Variants in PRKD1 observed in about 807,000 individuals in gnomAD.
The protein encoded by PRKD1 is serine/threonine-protein kinase D1.
A neutral mutation model predicts 95.9 loss-of-function variants in PRKD1; 63 were observed. That is an observed-to-expected ratio of 0.66 (90% CI 0.54 to 0.81). The LOEUF is 0.81. PRKD1 is among the 30% of genes least tolerant of loss of function. The pLI is 0.00. For synonymous variants in PRKD1, 425 were observed against 423.1 expected, an observed-to-expected ratio of 1.00 and a Z score of -0.05; for missense variants, 1,048 against 1,165.3, an observed-to-expected ratio of 0.90 and a Z score of 1.47.
At chr14:29,906,850 G>A (rs1566665209) in intron 1 of PRKD1, among the ~76,000 whole-genome samples, 2 of 152,178 alleles carry the variant, frequency 1.3e-5, no homozygotes, top group African/African-American at 4.8e-5. Context: ...GATTGGGTGA[G>A]TCTGTTATTT....
Position 29,626,471 on chromosome 14 carries a change from T to G in PRKD1, c.1798+13A>C, listed in dbSNP as rs772460085. 88 of 1,595,362 alleles carry G rather than the reference T, an allele frequency of 5.5e-5. No individual in the cohort carries two copies. The highest frequency in any genetic ancestry group is 1.7e-4 in the Middle Eastern group (1 of 6,022). ...ATTTTAAGTTCATAAAAATACTCAG[T>G]GAGATAACCTACCTCCATAAACAAT... On this transcript the variant is annotated intron_variant, in intron 12 of 17. Transcript: ENST00000331968.
chr14:29,882,429 T>C (rs2139397562), intron 1 of PRKD1, among the ~76,000 whole-genome samples: 1 of 152,338 alleles, frequency 6.6e-6, no homozygotes, highest in African/African-American at 2.4e-5. Flanking sequence ...GAAACAATTA[T>C]GGCTAAAAAT....
chr14:29,643,216 T>C (rs1173806800), intron 4 of PRKD1, among the ~76,000 whole-genome samples: 2 of 152,160 alleles, frequency 1.3e-5, no homozygotes, highest in Non-Finnish European at 2.9e-5. Flanking sequence ...ATATAAATGA[T>C]TTGATTTGGC....
chr14:29,675,647 A>G (rs1228779190), intron 2 of PRKD1, among the ~76,000 whole-genome samples: 9 of 152,218 alleles, frequency 5.9e-5, no homozygotes, highest in Non-Finnish European at 1.0e-4. Context: ...CCAAAGGATT[A>G]TAAATCATGC....
intron 1 of PRKD1, among the ~76,000 whole-genome samples, chr14:29,904,419 C>G (rs1894425390): frequency 6.6e-6 from 1 of 152,094 alleles, no homozygotes; most frequent in Non-Finnish European, 1.5e-5. Context: ...CTTTCTGTGC[C>G]CCAATTTCCT....
rs769494172 is a variant in PRKD1, at chr14:29,725,528, T to C, written c.403+8A>G. ...TACGGATAAAGAAAAGGTATAAAAG[T>C]ATACTACCTGACAAGACCACTTCAA... On this transcript the variant is annotated splice_region_variant and intron_variant, in intron 2 of 17. Transcript: ENST00000331968. 3.1e-6 allele frequency: 5 copies of C among 1,612,208 alleles called. No individual in the cohort carries two copies. In the East Asian group the frequency reaches 8.9e-5, roughly 29 times the overall value.
intron 4 of PRKD1, among the ~76,000 whole-genome samples, chr14:29,644,983 G>C (rs1881034919): frequency 6.6e-6 from 1 of 152,010 alleles, no homozygotes; most frequent in African/African-American, 2.4e-5. Flanking sequence ...AAGAAACTGA[G>C]TTACTGAGAG....
chr14:29,654,990 C>A (rs1881753933), intron 4 of PRKD1, among the ~76,000 whole-genome samples: 1 of 152,202 alleles, frequency 6.6e-6, no homozygotes, highest in Non-Finnish European at 1.5e-5. Context: ...CCATCAGGAG[C>A]TAGCCTGTGA....
chr14:29,624,088 C>A (rs1879456350), intron 13 of PRKD1, 64 bp downstream of exon 13: 1 of 1,183,444 alleles, frequency 8.4e-7, no homozygotes, highest in South Asian at 1.5e-5. Context: ...AATTTATTTG[C>A]TTTGCAGAAG....
intron 1 of PRKD1, among the ~76,000 whole-genome samples, chr14:29,819,558 C>T (rs1204859430): frequency 3.3e-5 from 5 of 152,004 alleles, no homozygotes; most frequent in African/African-American, 4.8e-5. Context: ...GGCGTGGTGG[C>T]GGGCGCCTGT....
chr14:29,779,227 C>T (rs1771289963), intron 1 of PRKD1, among the ~76,000 whole-genome samples: 1 of 152,174 alleles, frequency 6.6e-6, no homozygotes. Context: ...AAAACTGGCA[C>T]AAGACAGGGA....
At chr14:29,829,479 T>C (rs1176049959) in intron 1 of PRKD1, among the ~76,000 whole-genome samples, 2 of 152,214 alleles carry the variant, frequency 1.3e-5, no homozygotes, top group African/African-American at 2.4e-5. Flanking sequence ...TCGTTTTTAC[T>C]CTTTTTAATC....
At chr14:29,724,683 C>G (rs10498309) in intron 2 of PRKD1, among the ~76,000 whole-genome samples, 27,289 of 152,054 alleles carry the variant, frequency 0.18, 2,705 homozygotes, top group South Asian at 0.26. Flanking sequence ...AGGAAATAAA[C>G]TTGAGACTCT....
intron 1 of PRKD1, among the ~76,000 whole-genome samples, chr14:29,906,529 A>C (rs547509609): frequency 1.8e-3 from 266 of 144,794 alleles, no homozygotes; most frequent in African/African-American, 6.9e-3. Context: ...GTATCAATTT[A>C]ACCAAAAAAA....
chr14:29,841,888 A>G (rs8021816), intron 1 of PRKD1, among the ~76,000 whole-genome samples: 1 of 151,518 alleles, frequency 6.6e-6, no homozygotes, highest in African/African-American at 2.4e-5. Flanking sequence ...GCTGTACCCC[A>G]AAAAAAATTT....
intron 4 of PRKD1, among the ~76,000 whole-genome samples, chr14:29,651,051 T>C (rs990317394): frequency 1.3e-5 from 2 of 152,226 alleles, no homozygotes; most frequent in Admixed American, 6.5e-5. Context: ...TAGCCCATAA[T>C]ACTCAATGTC....
chr14:29,894,912 T>C (rs1894067688), intron 1 of PRKD1, among the ~76,000 whole-genome samples: 1 of 152,252 alleles, frequency 6.6e-6, no homozygotes, highest in African/African-American at 2.4e-5. Flanking sequence ...AGATGTCCTA[T>C]TTAATTTCTA....
chr14:29,915,904 T>G (rs1894872780), intron 1 of PRKD1, among the ~76,000 whole-genome samples: 1 of 152,192 alleles, frequency 6.6e-6, no homozygotes, highest in Non-Finnish European at 1.5e-5. Flanking sequence ...GGTAAATAAT[T>G]TAACCTCTCC....
At chr14:29,739,908 C>T (rs1886907328) in intron 1 of PRKD1, among the ~76,000 whole-genome samples, 1 of 152,092 alleles carries the variant, frequency 6.6e-6, no homozygotes, top group Admixed American at 6.5e-5. Context: ...ATCATTAACT[C>T]TAATGCAGCA....
Sources: gnomAD v4.1 joint callset for allele counts (sites outside exome capture counted in the v4.1 genomes callset) on GRCh38, gnomAD v4.1.1 for gene constraint, MANE v1.5 for transcripts, NCBI Gene and HGNC (gene_info 2026-07-23, HGNC 2026-07-21) for gene names.